Variants in ERC2 observed in about 807,000 individuals in gnomAD.
The protein encoded by ERC2 is ERC protein 2.
In ERC2, 42 loss-of-function variants were observed where a neutral mutation model predicts 114.8. The observed-to-expected ratio is 0.37, with a 90% confidence interval of 0.29 to 0.47. ERC2 has a LOEUF of 0.47. Ranked by LOEUF, ERC2 falls within the 20% of genes least tolerant of loss-of-function variation. The pLI is 0.99. For missense variants in ERC2, 939 were observed against 1,150.7 expected (o/e 0.82, Z 2.66); for synonymous variants, 454 against 425.5 (o/e 1.07, Z -0.82).
intron 2 of ERC2, among the ~76,000 whole-genome samples, chr3:56,299,394 C>A (rs1343497128): frequency 6.6e-6 from 1 of 151,152 alleles, no homozygotes. Context: ...TCCCAAAGTG[C>A]TGGGATTACA....
Position 56,007,309 on chromosome 3 carries a change from C to T in ERC2, c.1933G>A (p.Asp645Asn). The T allele has an allele frequency of 6.3e-7, 1 of 1,597,322 alleles. No individual in the cohort carries two copies. The highest frequency in any genetic ancestry group is 8.5e-7 in the Non-Finnish European group (1 of 1,171,756). The change falls in exon 10 of 18, where the codon GAC becomes AAC. Residue 645 changes from aspartate (D) to asparagine (N), a missense_variant. This residue lies in a region of ERC2 where 149 missense variants were observed against 254.6 expected (regional missense o/e 0.59). Transcript: ENST00000288221. Reference sequence around the variant, plus strand: ...AATGAAGATGCATGTTCTTTGAGGTCAATTAAACTAGACTGAAAGAGAAAG... The same window carrying T: ...AATGAAGATGCATGTTCTTTGAGGTTAATTAAACTAGACTGAAAGAGAAAG... ...ELTEKESSLI[D>N]LKEHASSLAS...
intron 6 of ERC2, among the ~76,000 whole-genome samples, chr3:56,093,929 C>T (rs1215075787): frequency 2.0e-5 from 3 of 152,050 alleles, no homozygotes; most frequent in Non-Finnish European, 4.4e-5. Flanking sequence ...GGTGTGGAAG[C>T]AGGGTGTGTG....
At chr3:56,202,887 A>G (rs1423052658) in intron 3 of ERC2, among the ~76,000 whole-genome samples, 1 of 152,230 alleles carries the variant, frequency 6.6e-6, no homozygotes. Flanking sequence ...TGTTCTAACC[A>G]CAAAAAAAGG....
chr3:56,397,989 T>C (rs2060376762), intron 2 of ERC2, among the ~76,000 whole-genome samples: 1 of 152,184 alleles, frequency 6.6e-6, no homozygotes, highest in Non-Finnish European at 1.5e-5. Flanking sequence ...ATACTACGCA[T>C]ACTTACATCC....
In ERC2 at chr3:56,468,372, GA is replaced by G. The variant is rs2063653557; in HGVS notation, c.-266del. 1 of 154,078 alleles carries G rather than the reference GA, an allele frequency of 6.5e-6. No individual in the cohort carries two copies. The highest frequency in any genetic ancestry group is 6.5e-5 in the Admixed American group (1 of 15,322). The allele number at this position is 154,078 out of a possible 1,614,324, so 9.5% of individuals were successfully genotyped here. A position where few individuals can be genotyped will look rare whatever the true frequency, so the allele number is the denominator to read the frequency against. ...CCGGAGACCGAGCGAGCAGGAGCGG[GA>G]GGCGGAGGAAGAGGAGGAGAAGCGG... On this transcript the variant is annotated 5_prime_UTR_variant, in exon 1 of 18. Transcript: ENST00000288221.
At chr3:56,136,598 C>T (rs2149905078) in intron 6 of ERC2, among the ~76,000 whole-genome samples, 1 of 152,202 alleles carries the variant, frequency 6.6e-6, no homozygotes. Flanking sequence ...TACTCACCCA[C>T]TAACACACCA....
intron 2 of ERC2, among the ~76,000 whole-genome samples, chr3:56,301,450 A>C (rs1454700485): frequency 6.6e-6 from 1 of 152,194 alleles, no homozygotes; most frequent in Non-Finnish European, 1.5e-5. Context: ...TGCTTTACAT[A>C]ATTGAAGACG....
intron 14 of ERC2, among the ~76,000 whole-genome samples, chr3:55,773,609 G>C (rs1012932625): frequency 1.3e-5 from 2 of 152,196 alleles, no homozygotes; most frequent in African/African-American, 4.8e-5. Context: ...AGCTCTATGA[G>C]GCAGGAATGT....
intron 17 of ERC2, among the ~76,000 whole-genome samples, chr3:55,637,925 T>C (rs1429715104): frequency 6.6e-6 from 1 of 152,146 alleles, no homozygotes; most frequent in Admixed American, 6.5e-5. Flanking sequence ...ATTTTATTGA[T>C]GATAAAACTA....
At chr3:55,669,311 G>A (rs879264967) in intron 17 of ERC2, among the ~76,000 whole-genome samples, 2 of 152,158 alleles carry the variant, frequency 1.3e-5, no homozygotes, top group Non-Finnish European at 2.9e-5. Flanking sequence ...CCCATAATCT[G>A]CTAGAACATA....
intron 14 of ERC2, among the ~76,000 whole-genome samples, chr3:55,860,830 T>TA (rs2061995744): frequency 6.6e-6 from 1 of 152,144 alleles, no homozygotes; most frequent in South Asian, 2.1e-4. Flanking sequence ...TACATGAGAC[T>TA]AAACACAGTA....
rs770684859 is a variant in ERC2, at chr3:56,010,477, G to T, written c.1892C>A (p.Ala631Asp). ...ENKDLKEKVN[A>D]LQAELTEKES... ...TTTCTCAGTCAGTTCAGCCTGTAAA[G>T]CATTGACCTTCTCTTTCAGGTCTTT... is the stretch of plus-strand genomic sequence containing the variant. Residue 631 changes from alanine (A) to aspartate (D), a missense_variant, in exon 9 of 18, where the codon GCT (alanine) becomes GAT (aspartate). By Grantham distance (126) the Ala-to-Asp change is moderately radical. Coordinates refer to ENST00000288221, the MANE Select transcript of ERC2 (RefSeq NM_015576.3). The T allele has an allele frequency of 3.7e-6, 6 of 1,613,510 alleles. No homozygotes were observed. The highest frequency in any genetic ancestry group is 5.1e-6 in the Non-Finnish European group (6 of 1,179,664).
At chr3:55,799,423 C>CA (rs1286707625) in intron 14 of ERC2, among the ~76,000 whole-genome samples, 5 of 110,546 alleles carry the variant, frequency 4.5e-5, no homozygotes, top group African/African-American at 9.4e-5. Flanking sequence ...TATATATATG[C>CA]ATATATATAT....
At chr3:55,696,058 A>C (rs930571614) in intron 16 of ERC2, among the ~76,000 whole-genome samples, 3 of 152,184 alleles carry the variant, frequency 2.0e-5, no homozygotes, top group African/African-American at 7.2e-5. Flanking sequence ...TTACTTTGGG[A>C]AATGCTAGTC....
At chr3:55,814,556 A>G (rs2059839628) in intron 14 of ERC2, among the ~76,000 whole-genome samples, 1 of 152,226 alleles carries the variant, frequency 6.6e-6, no homozygotes, top group African/African-American at 2.4e-5. Context: ...GCCTTTGAAA[A>G]CCATAGCTCA....
At chr3:56,367,263 CAT>C (rs754710392) in intron 2 of ERC2, among the ~76,000 whole-genome samples, 5 of 143,098 alleles carry the variant, frequency 3.5e-5, no homozygotes, top group South Asian at 4.3e-4. Flanking sequence ...CAATGGGCAG[CAT>C]TTTTTTTTTT....
chr3:56,334,240 A>T (rs1257180557), intron 2 of ERC2, among the ~76,000 whole-genome samples: 1 of 152,256 alleles, frequency 6.6e-6, no homozygotes, highest in East Asian at 1.9e-4. Context: ...CCAAATCTGC[A>T]GTAGGACTAA....
intron 7 of ERC2, among the ~76,000 whole-genome samples, chr3:56,029,107 T>G (rs2074227093): frequency 6.6e-6 from 1 of 152,086 alleles, no homozygotes; most frequent in South Asian, 2.1e-4. Flanking sequence ...ATAATTAGTT[T>G]TGGTGTGCTA....
At chr3:55,676,721 A>G (rs867590561) in intron 17 of ERC2, among the ~76,000 whole-genome samples, 1 of 152,086 alleles carries the variant, frequency 6.6e-6, no homozygotes, top group Non-Finnish European at 1.5e-5. Context: ...ATCATTAATA[A>G]AGAGGTTAAA....
Sources: gnomAD v4.1 joint callset for allele counts (sites outside exome capture counted in the v4.1 genomes callset) on GRCh38, gnomAD v4.1.1 for gene constraint, gnomAD v4.1.1 regional missense constraint, MANE v1.5 for transcripts, NCBI Gene and HGNC (gene_info 2026-07-23, HGNC 2026-07-21) for gene names.